Variants in KCTD21 observed in about 807,000 individuals in gnomAD.
KCTD21 encodes potassium channel tetramerization domain containing 21, also known as BTB/POZ domain-containing protein KCTD21.
In KCTD21, 9 loss-of-function variants were observed where a neutral mutation model predicts 13.2. That is an observed-to-expected ratio of 0.68 (90% CI 0.41 to 1.19). The LOEUF is 1.19. Ranked by LOEUF, KCTD21 falls within the 50% of genes most tolerant of loss-of-function variation. The probability of loss-of-function intolerance (pLI) is 0.01; values close to 1 mark genes in which losing one functional copy is unlikely to be tolerated. For missense variants in KCTD21, 303 were observed against 336.5 expected (o/e 0.90, Z 0.78); for synonymous variants, 142 against 137.4 (o/e 1.03, Z -0.23).
intron 1 of KCTD21, among the ~76,000 whole-genome samples, chr11:78,180,374 CATAA>C (rs1862579097): frequency 6.6e-6 from 1 of 152,084 alleles, no homozygotes; most frequent in Non-Finnish European, 1.5e-5. Flanking sequence ...TTAAAAAACA[CATAA>C]AGCTGGGTGC....
At position 78,175,115 on chromosome 11, in the gene KCTD21, G is replaced by A. The variant is rs186176228; in HGVS notation, c.-29-532C>T. ...AGGCGGGCAGATCACCTGAGATCAGGAGTTCAAGATCAGACTGGCCAACAT... is the reference window on the plus strand; with the variant it reads ...AGGCGGGCAGATCACCTGAGATCAGAAGTTCAAGATCAGACTGGCCAACAT... On this transcript the variant is annotated intron_variant, in intron 1 of 1. Coordinates refer to ENST00000340067, the MANE Select transcript of KCTD21 (RefSeq NM_001029859.3). 6.6e-3 allele frequency: 1,001 copies of A among 152,554 alleles called. 1 individual carries two copies. Among genetic ancestry groups the A allele is most frequent in the Non-Finnish European group, 9.7e-3 (662 of 68,278 alleles). 9.5% of individuals were successfully genotyped at this position (152,554 alleles called of 1,614,324 possible).
At chr11:78,183,537 AAAAC>A (rs1436908445) in intron 1 of KCTD21, among the ~76,000 whole-genome samples, 1 of 152,148 alleles carries the variant, frequency 6.6e-6, no homozygotes, top group African/African-American at 2.4e-5. Flanking sequence ...CTCCATCTCA[AAAAC>A]AAACAAACAA....
chr11:78,173,352 T>TTAAAA lies in KCTD21; in HGVS notation c.*419_*420insTTTTA. ...AGGAACCGCTGGGGACTTTATGTCC[T>TTAAAA]GGTTAACTGGAGGTAGCCTCTTGTT... is the stretch of plus-strand genomic sequence containing the variant. On this transcript the variant is annotated 3_prime_UTR_variant, in exon 2 of 2. Transcript: ENST00000340067. 2 of 165,916 alleles carry TTAAAA rather than the reference T, an allele frequency of 1.2e-5. No homozygotes were observed. The highest frequency in any genetic ancestry group is 5.6e-5 in the Admixed American group (1 of 17,972). The allele number at this position is 165,916 out of a possible 1,614,324, so 10.3% of individuals were successfully genotyped here.
chr11:78,185,972 A>G (rs569483911), intron 1 of KCTD21, among the ~76,000 whole-genome samples: 1 of 152,162 alleles, frequency 6.6e-6, no homozygotes, highest in African/African-American at 2.4e-5. Flanking sequence ...CTCATCATGA[A>G]CCCAGAATCT....
chr11:78,184,782 C>G (rs1565387464), intron 1 of KCTD21, among the ~76,000 whole-genome samples: 1 of 151,974 alleles, frequency 6.6e-6, no homozygotes, highest in Non-Finnish European at 1.5e-5. Flanking sequence ...CAGGGTCTCA[C>G]TCTGTCGCCC....
intron 1 of KCTD21, among the ~76,000 whole-genome samples, chr11:78,182,020 C>A (rs1862637152): frequency 6.6e-6 from 1 of 152,164 alleles, no homozygotes; most frequent in African/African-American, 2.4e-5. Flanking sequence ...AGTTTGTGAG[C>A]TGAGAGCAAC....
At chr11:78,174,672 T>C in intron 1 of KCTD21, 89 bp from the exon 2 acceptor site, 1 of 904,504 alleles carries the variant, frequency 1.1e-6, no homozygotes, top group Non-Finnish European at 1.7e-6. Context: ...ATCAAGCCTA[T>C]GCCCTTGGGA....
Position 78,174,104 on chromosome 11 carries a change from T to C in KCTD21, c.451A>G (p.Thr151Ala), listed in dbSNP as rs763547396. ...MEVFNANIFS[T>A]SCLFLKLLGS... is the part of the protein sequence containing the mutation. ...AGGAGCTTGAGGAAGAGGCAGGAGGTGCTGAAGATGTTGGCGTTGAAGACC... is the reference window on the plus strand; with the variant it reads ...AGGAGCTTGAGGAAGAGGCAGGAGGCGCTGAAGATGTTGGCGTTGAAGACC... Residue 151 changes from threonine to alanine, a missense_variant, in exon 2 of 2, where the codon ACC (threonine) becomes GCC (alanine). By Grantham distance (58) the Thr-to-Ala change is moderately conservative. Coordinates refer to ENST00000340067, the MANE Select transcript of KCTD21 (RefSeq NM_001029859.3). 3.1e-6 allele frequency: 5 copies of C among 1,613,880 alleles called. No homozygotes were observed. Among genetic ancestry groups the C allele is most frequent in the Non-Finnish European group, 4.2e-6 (5 of 1,180,018 alleles).
intron 1 of KCTD21, among the ~76,000 whole-genome samples, chr11:78,183,715 A>G (rs112983136): frequency 0.048 from 7,032 of 147,816 alleles, 494 homozygotes; most frequent in African/African-American, 0.16. Flanking sequence ...GCTCACTGCA[A>G]CCTCCGCCTC....
chr11:78,174,512 T>C lies in KCTD21; in HGVS notation c.43A>G (p.Thr15Ala). 1 of 1,613,838 alleles carries C rather than the reference T, an allele frequency of 6.2e-7. No homozygotes were observed. The highest frequency in any genetic ancestry group is 1.1e-5 in the South Asian group (1 of 91,062). ...ITLNVGGKLY[T>A]TSLATLTSFP... Reference sequence around the variant, plus strand: ...CTGGTCAGGGTCGCCAGTGAGGTTGTATAGAGCTTCCCCCCGACGTTCAGC... The same window carrying C: ...CTGGTCAGGGTCGCCAGTGAGGTTGCATAGAGCTTCCCCCCGACGTTCAGC... The change falls in exon 2 of 2, where the codon ACA (threonine) becomes GCA (alanine). Residue 15 changes from threonine to alanine, a missense_variant. Transcript: ENST00000340067.
At chr11:78,187,265 A>G (rs1862808439) in intron 1 of KCTD21, 12 of 985,050 alleles carry the variant, frequency 1.2e-5, no homozygotes, top group Non-Finnish European at 1.4e-5. Flanking sequence ...CCCTTTCTTC[A>G]CCTCCTCTTC....
At chr11:78,182,306 C>T (rs749087613) in intron 1 of KCTD21, among the ~76,000 whole-genome samples, 3 of 106,638 alleles carry the variant, frequency 2.8e-5, no homozygotes, top group Non-Finnish European at 6.4e-5. Context: ...CACCCCCCCC[C>T]CCTCAAAATT....
chr11:78,184,018 A>T lies in KCTD21; in HGVS notation c.-30+4555T>A, dbSNP rs149015237. ...AGAAAATTACCAATTTGCAACCCTC[A>T]GTGTTGTAATTCAAGCAAGGATCAT... On this transcript the variant is annotated intron_variant, in intron 1 of 1. Coordinates refer to ENST00000340067, the MANE Select transcript of KCTD21 (RefSeq NM_001029859.3). Among the ~76,000 whole-genome samples, 91 of 152,344 alleles carry T rather than the reference A, an allele frequency of 6.0e-4. 2 individuals are homozygous for T. In the East Asian group the frequency reaches 0.016, roughly 27 times the overall value.
At position 78,188,594 on chromosome 11, in the gene KCTD21, C is replaced by T. The variant is rs1862892869; in HGVS notation, c.-51G>A. 8 of 985,556 alleles carry T rather than the reference C, an allele frequency of 8.1e-6. No individual in the cohort carries two copies. Among genetic ancestry groups the T allele is most frequent in the Non-Finnish European group, 9.6e-6 (8 of 830,046 alleles). 61.1% of individuals were successfully genotyped at this position (985,556 alleles called of 1,614,324 possible). A position where few individuals can be genotyped will look rare whatever the true frequency, so the allele number is the denominator to read the frequency against. ...CCACCTCCTGCCCTCGCTCTGCAGC[C>T]TCTCCCTCCGCGAGCGGCCAGCGCA... On this transcript the variant is annotated 5_prime_UTR_variant, in exon 1 of 2. Coordinates refer to ENST00000340067, the MANE Select transcript of KCTD21 (RefSeq NM_001029859.3).
intron 1 of KCTD21, among the ~76,000 whole-genome samples, chr11:78,175,924 C>T (rs138463614): frequency 0.038 from 5,793 of 152,120 alleles, 353 homozygotes; most frequent in African/African-American, 0.13. Context: ...TGATGTTCCC[C>T]TTCCTGTGTC....
rs1590888312 is a variant in KCTD21, at chr11:78,188,303, C to G, written c.-30+270G>C. 3.0e-6 allele frequency: 3 copies of G among 984,888 alleles called. No homozygotes were observed. In the South Asian group the frequency reaches 1.4e-4, roughly 46 times the overall value. 61.0% of individuals were successfully genotyped at this position (984,888 alleles called of 1,614,324 possible). A position where few individuals can be genotyped will look rare whatever the true frequency, so the allele number is the denominator to read the frequency against. ...CCCACCAAGGACTCCTCCCACAGTC[C>G]CGACCCTCATTATCCGGGCTTTTCC... On this transcript the variant is annotated intron_variant, in intron 1 of 1. Transcript: ENST00000340067.
chr11:78,188,050 T>G (rs979818289), intron 1 of KCTD21: 1 of 984,958 alleles, frequency 1.0e-6, no homozygotes, highest in Non-Finnish European at 1.2e-6. Flanking sequence ...TAAAGGGAGG[T>G]GTTCTATGCA....
intron 1 of KCTD21, chr11:78,188,207 G>A (rs1038941692): frequency 1.0e-6 from 1 of 983,628 alleles, no homozygotes. Flanking sequence ...CCACTCCCCA[G>A]CCCTACAGCC....
At position 78,173,789 on chromosome 11, in the gene KCTD21, A is replaced by G. The variant is rs1209892549; in HGVS notation, c.766T>C (p.Leu256=). 5 of 1,612,966 alleles carry G rather than the reference A, an allele frequency of 3.1e-6. No individual in the cohort carries two copies. In the African/African-American group the frequency reaches 6.7e-5, roughly 22 times the overall value. ...GGGTCCTTTTACCTGTACCGTATTA[A>G]TCGAATAATCTTATTGTTCATAAAA... ...LDFMNNKIIR[L]IRYR is the part of the protein sequence containing the mutation. The change falls in exon 2 of 2, where the codon TTA becomes CTA. Residue 256 remains leucine (L), a synonymous_variant. Transcript: ENST00000340067.
Sources: allele counts gnomAD v4.1 joint callset (sites outside exome capture counted in the v4.1 genomes callset), GRCh38; gene constraint gnomAD v4.1.1; transcripts MANE v1.5; gene names NCBI Gene and HGNC (gene_info 2026-07-23, HGNC 2026-07-21).